PCF11: variants seen among roughly 807,000 people sequenced by gnomAD.
PCF11 encodes PCF11 cleavage and polyadenylation factor subunit, also known as pre-mRNA cleavage complex 2 protein Pcf11.
A neutral mutation model predicts 166.1 loss-of-function variants in PCF11; 19 were observed. That is an observed-to-expected ratio of 0.11 (90% CI 0.08 to 0.17). The LOEUF (loss-of-function observed/expected upper bound fraction) is 0.17. PCF11 is among the 10% of genes least tolerant of loss of function. The probability of loss-of-function intolerance (pLI) is 1.00; values close to 1 mark genes in which losing one functional copy is unlikely to be tolerated. For synonymous variants in PCF11, 663 were observed against 644.1 expected, an observed-to-expected ratio of 1.03 and a Z score of -0.44; for missense variants, 1,565 against 1,855.5, an observed-to-expected ratio of 0.84 and a Z score of 2.88.
Position 83,167,843 on chromosome 11 carries a change from G to T in PCF11, c.2092+338G>T. 1 of 1,318,258 alleles carries T rather than the reference G, an allele frequency of 7.6e-7. No individual in the cohort carries two copies. 81.7% of individuals were successfully genotyped at this position (1,318,258 alleles called of 1,614,324 possible). On this transcript the variant is annotated intron_variant, in intron 7 of 15. Transcript: ENST00000298281. This position sits in a 1 kb window ranked among gnomAD's most constrained non-coding sequence, Gnocchi z 4.2. ...TATCTGGGAGTCGTACTTATGCTGA[G>T]AATCTTTCACCCCATGAGGGCCGGA... is the stretch of plus-strand genomic sequence containing the variant.
At chr11:83,157,159 A>G (rs554098946) in exon 1 of PCF11, 71 of 571,026 alleles carry the variant, frequency 1.2e-4, no homozygotes, top group East Asian at 2.3e-4. Context: ...GAACACAGAC[A>G]TTTTCGGAGC....
exon 8 of PCF11, chr11:83,169,221 G>A (rs1002613874): frequency 5.6e-6 from 9 of 1,613,490 alleles, no homozygotes; most frequent in South Asian, 1.1e-5. Context: ...CCCATGGTCA[G>A]TCAGTAGCTG....
chr11:83,159,800 C>T (rs972541209), intron 1 of PCF11, among the ~76,000 whole-genome samples: 1 of 152,116 alleles, frequency 6.6e-6, no homozygotes, highest in African/African-American at 2.4e-5. Flanking sequence ...CTCTGCGTTA[C>T]TAAACTTAAA....
chr11:83,177,668 A>G (rs1307137428), intron 10 of PCF11, 46 bp from the exon 11 acceptor site: 1 of 951,430 alleles, frequency 1.1e-6, no homozygotes, highest in South Asian at 1.6e-5. Flanking sequence ...TAGAGAATAC[A>G]TGGAGAATGG....
At position 83,164,421 on chromosome 11, in the gene PCF11, A is replaced by C; in HGVS notation, c.702+20A>C. 6.5e-7 allele frequency: 1 copy of C among 1,545,742 alleles called. No individual in the cohort carries two copies. The highest frequency in any genetic ancestry group is 8.8e-7 in the Non-Finnish European group (1 of 1,132,122). Reference sequence around the variant, plus strand: ...CAGTTGGTAAGTAAGGGAGATTGTCATTTTAAATATTTTAAACCTGTCTAA... The same window carrying C: ...CAGTTGGTAAGTAAGGGAGATTGTCCTTTTAAATATTTTAAACCTGTCTAA... On this transcript the variant is annotated intron_variant, in intron 4 of 15. Coordinates refer to ENST00000298281, the Ensembl canonical transcript of PCF11.
At chr11:83,168,277 A>G (rs1860543591) in intron 7 of PCF11, 151 bp from the exon 8 acceptor site, 1 of 713,004 alleles carries the variant, frequency 1.4e-6, no homozygotes, top group Non-Finnish European at 2.2e-6. Flanking sequence ...GTCTGACTCT[A>G]GAGGGCATCC....
chr11:83,160,172 C>T (rs942441872), intron 1 of PCF11, among the ~76,000 whole-genome samples: 6 of 152,148 alleles, frequency 3.9e-5, no homozygotes, highest in African/African-American at 1.4e-4. Flanking sequence ...CATTTCCACA[C>T]ACTTGTATGG....
exon 5 of PCF11, chr11:83,165,654 C>T (rs1860421511): frequency 6.2e-7 from 1 of 1,613,202 alleles, no homozygotes; most frequent in Middle Eastern, 1.7e-4. Flanking sequence ...TGGATCTGCA[C>T]CATCCAAATT....
At chr11:83,168,832 C>G in exon 8 of PCF11, 1 of 1,613,516 alleles carries the variant, frequency 6.2e-7, no homozygotes. Flanking sequence ...GACACCTCTG[C>G]GGTTTGAGGG....
intron 9 of PCF11, among the ~76,000 whole-genome samples, chr11:83,174,846 C>T (rs1186027806): frequency 1.3e-5 from 2 of 152,082 alleles, no homozygotes; most frequent in African/African-American, 4.8e-5. Flanking sequence ...ATATAAATAG[C>T]TAATTTAAAG....
At chr11:83,177,808 A>G (rs1301215103) in exon 11 of PCF11, 2 of 1,485,304 alleles carry the variant, frequency 1.3e-6, no homozygotes, top group Non-Finnish European at 1.8e-6. Context: ...TTACAGTTGA[A>G]GAATTGAAAC....
rs1331172826 is a variant in PCF11 at position 83,182,294 on chromosome 11, C to A, written c.4324-105C>A. ...TTGGACATTATTCAAACTTTTGGAA[C>A]ACTCATAAATTCTTTACTCCACTTA... On this transcript the variant is annotated intron_variant, in intron 13 of 15. Transcript: ENST00000298281. 132 of 646,774 alleles carry A rather than the reference C, an allele frequency of 2.0e-4. 1 individual carries two copies. In the South Asian group the frequency reaches 2.8e-3, roughly 14 times the overall value. The allele number at this position is 646,774 out of a possible 1,614,324, so 40.1% of individuals were successfully genotyped here.
intron 12 of PCF11, 105 bp from the exon 13 acceptor site, chr11:83,181,749 G>A (rs1163269398): frequency 1.6e-6 from 1 of 636,970 alleles, no homozygotes; most frequent in Admixed American, 3.7e-5. Flanking sequence ...AGAGCATAAT[G>A]TAGAAAATAG....
chr11:83,168,732 G>A (rs769987946), exon 8 of PCF11: 2 of 1,613,946 alleles, frequency 1.2e-6, no homozygotes, highest in East Asian at 4.5e-5. Context: ...GACAAATGGG[G>A]GGAGGAGGCC....
exon 8 of PCF11, chr11:83,169,134 T>C: frequency 6.2e-7 from 1 of 1,613,560 alleles, no homozygotes; most frequent in Non-Finnish European, 8.5e-7. Context: ...TTGATGGACC[T>C]CATGGTCAGC....
intron 14 of PCF11, 23 bp downstream of exon 14, chr11:83,182,514 G>T: frequency 8.8e-7 from 1 of 1,134,142 alleles, no homozygotes; most frequent in Non-Finnish European, 1.3e-6. Context: ...TCTTTATAAG[G>T]AAGTGTTAAG....
intron 7 of PCF11, 79 bp from the exon 8 acceptor site, chr11:83,168,349 A>G (rs1052378330): frequency 1.5e-5 from 19 of 1,283,246 alleles, no homozygotes; most frequent in African/African-American, 3.0e-5. Flanking sequence ...AGATAGTTAT[A>G]TATTTGGATA....
At chr11:83,178,210 G>A (rs572378529) in intron 11 of PCF11, among the ~76,000 whole-genome samples, 1 of 151,786 alleles carries the variant, frequency 6.6e-6, no homozygotes, top group Non-Finnish European at 1.5e-5. Context: ...AGTAGAGATG[G>A]GGTTTCACCA....
intron 1 of PCF11, among the ~76,000 whole-genome samples, chr11:83,160,111 A>G (rs1224483073): frequency 2.0e-5 from 3 of 152,296 alleles, no homozygotes; most frequent in South Asian, 2.1e-4. Flanking sequence ...AAGTTATTCA[A>G]AGCTTCCCTT....
Sources: gnomAD v4.1 joint callset for allele counts (sites outside exome capture counted in the v4.1 genomes callset) on GRCh38, gnomAD v4.1.1 for gene constraint, Gnocchi (gnomAD v3.1) non-coding constraint, MANE v1.5 for transcripts, NCBI Gene and HGNC (gene_info 2026-07-23, HGNC 2026-07-21) for gene names.